The following LDAH variants were observed in gnomAD, a reference collection of about 807,000 sequenced individuals.
LDAH encodes the protein lipid droplet associated hydrolase.
A neutral mutation model predicts 29.6 loss-of-function variants in LDAH; 26 were observed. The observed-to-expected ratio is 0.88, with a 90% CI of 0.64 to 1.22. The LOEUF is 1.22. Among genes scored for constraint, LDAH ranks in the 50% most tolerant of loss-of-function variants. The probability of loss-of-function intolerance (pLI) is 0.00; values close to 1 mark genes in which losing one functional copy is unlikely to be tolerated. For synonymous variants in LDAH, 117 were observed against 133.0 expected (o/e 0.88, Z 0.83); for missense variants, 344 against 387.3 (o/e 0.89, Z 0.94).
At chr2:20,813,263 ATTC>A (rs1342643062) in intron 1 of LDAH, among the ~76,000 whole-genome samples, 63 of 152,062 alleles carry the variant, frequency 4.1e-4, no homozygotes, top group African/African-American at 1.4e-3. Context: ...AGTCTTCCAT[ATTC>A]TTCTATAATT....
intron 5 of LDAH, 49 bp from the exon 6 acceptor site, chr2:20,701,701 C>T (rs1411973353): frequency 6.7e-7 from 1 of 1,483,480 alleles, no homozygotes; most frequent in Admixed American, 1.7e-5. Flanking sequence ...ATAGAACAAA[C>T]ACAAATTTCA....
At chr2:20,734,819 T>C (rs1313068958) in intron 5 of LDAH, among the ~76,000 whole-genome samples, 1 of 152,250 alleles carries the variant, frequency 6.6e-6, no homozygotes. Flanking sequence ...TTAGGATAGA[T>C]CTAATGTTGA....
chr2:20,726,515 T>C (rs1276587791), intron 5 of LDAH, among the ~76,000 whole-genome samples: 2 of 152,180 alleles, frequency 1.3e-5, no homozygotes, highest in East Asian at 1.9e-4. Context: ...AAAGGTTAAG[T>C]AGGACCAGAT....
chr2:20,756,721 G>C (rs1297998461), intron 4 of LDAH, among the ~76,000 whole-genome samples: 1 of 151,944 alleles, frequency 6.6e-6, no homozygotes, highest in Non-Finnish European at 1.5e-5. Context: ...AATAAATCAA[G>C]AAAATCTTTT....
At chr2:20,821,880 G>C (rs1313660450) in intron 1 of LDAH, among the ~76,000 whole-genome samples, 1 of 152,178 alleles carries the variant, frequency 6.6e-6, no homozygotes, top group Non-Finnish European at 1.5e-5. Context: ...GTGTTGCCCT[G>C]ATTATCCCCC....
chr2:20,821,760 T>C (rs916856973), intron 1 of LDAH, among the ~76,000 whole-genome samples: 1 of 152,078 alleles, frequency 6.6e-6, no homozygotes, highest in East Asian at 1.9e-4. Flanking sequence ...GAACTTAAAG[T>C]ATAATTTTAA....
intron 5 of LDAH, among the ~76,000 whole-genome samples, chr2:20,738,147 G>A (rs951597996): frequency 2.6e-5 from 4 of 151,670 alleles, no homozygotes; most frequent in African/African-American, 9.7e-5. Flanking sequence ...AGCTACTCAG[G>A]AGGCTGAGGC....
At chr2:20,752,975 GACA>G (rs3047722) in intron 4 of LDAH, among the ~76,000 whole-genome samples, 135,986 of 151,520 alleles carry the variant, frequency 0.9, 61,075 homozygotes, top group East Asian at 1. Context: ...AGAAAACAAC[GACA>G]ACAACAACAA....
rs553525186 is a variant in LDAH, at chr2:20,743,325, T to A, written c.469-3120A>T. ...GTCCAAGTCCACTTTTTTTTTTTTTTTTATTATACTTTAAGTTTTAGGGTA... is the reference window on the plus strand; with the variant it reads ...GTCCAAGTCCACTTTTTTTTTTTTTATTATTATACTTTAAGTTTTAGGGTA... On this transcript the variant is annotated intron_variant, in intron 4 of 6. Transcript: ENST00000237822. Among the ~76,000 whole-genome samples, 531 of 145,462 alleles carry A rather than the reference T, an allele frequency of 3.7e-3. 7 individuals carry two copies. Among genetic ancestry groups the A allele is most frequent in the Admixed American group, 0.021 (311 of 14,942 alleles).
chr2:20,820,103 T>A (rs377209481), intron 1 of LDAH, among the ~76,000 whole-genome samples: 1 of 151,528 alleles, frequency 6.6e-6, no homozygotes, highest in African/African-American at 2.4e-5. Context: ...CACTGCTCAA[T>A]GAAATAAAAG....
In LDAH at chr2:20,814,883, T is replaced by C. The variant is rs73224618; in HGVS notation, c.-3+8154A>G. Among the ~76,000 whole-genome samples the C allele has an allele frequency of 5.9e-3, 905 of 152,262 alleles. 10 individuals carry two copies. Among genetic ancestry groups the C allele is most frequent in the African/African-American group, 0.02 (843 of 41,552 alleles). On this transcript the variant is annotated intron_variant, in intron 1 of 6. Transcript: ENST00000237822. Reference sequence around the variant, plus strand: ...TCCATTTCCTTCCCCATTTCCCTTTTATTAGGGCCTGTAACAAGGAATTAC... The same window carrying C: ...TCCATTTCCTTCCCCATTTCCCTTTCATTAGGGCCTGTAACAAGGAATTAC...
At chr2:20,812,850 C>A (rs1434043796) in intron 1 of LDAH, among the ~76,000 whole-genome samples, 1 of 152,128 alleles carries the variant, frequency 6.6e-6, no homozygotes, top group African/African-American at 2.4e-5. Context: ...TTTCTGTAAG[C>A]CAGGTACTGT....
chr2:20,717,559 C>T (rs961828840), intron 5 of LDAH, among the ~76,000 whole-genome samples: 3 of 152,180 alleles, frequency 2.0e-5, no homozygotes, highest in African/African-American at 7.2e-5. Flanking sequence ...GCCAAATGGA[C>T]TCACAGACAA....
In LDAH at chr2:20,790,335, CTGTT is replaced by C. The variant is rs1558481626; in HGVS notation, c.214_217del (p.Asn72AspfsTer40). On this transcript the variant is annotated frameshift_variant, in exon 3 of 7. Transcript: ENST00000237822. LOFTEE classifies it high-confidence loss of function. ...ACTGATAGTCCAAACTGGAAAGCGT[CTGTT>C]TGTCAAAGAGTATAAAGCCTTTGCA... is the stretch of plus-strand genomic sequence containing the variant. 1 of 1,614,140 alleles carries C rather than the reference CTGTT, an allele frequency of 6.2e-7. No individual in the cohort carries two copies.
intron 5 of LDAH, among the ~76,000 whole-genome samples, chr2:20,738,036 G>A (rs557561001): frequency 2.0e-4 from 31 of 151,802 alleles, no homozygotes; most frequent in Non-Finnish European, 4.0e-4. Flanking sequence ...GGCGGATCAC[G>A]AGGTCAGGAG....
intron 6 of LDAH, among the ~76,000 whole-genome samples, chr2:20,696,409 G>A (rs1404959951): frequency 2.6e-5 from 4 of 152,138 alleles, no homozygotes; most frequent in Non-Finnish European, 5.9e-5. Flanking sequence ...GGCCCTCTGG[G>A]GGCAGGGGCA....
At chr2:20,812,798 G>GT (rs1288724397) in intron 1 of LDAH, among the ~76,000 whole-genome samples, 1 of 152,182 alleles carries the variant, frequency 6.6e-6, no homozygotes, top group South Asian at 2.1e-4. Context: ...GTCCAAGAGC[G>GT]TAAGAACCAA....
Position 20,685,171 on chromosome 2 carries a change from C to T in LDAH, c.*1732G>A, listed in dbSNP as rs1030587817. Reference sequence around the variant, plus strand: ...ACCAGAAATAAGACACAATTTCATACGTGCAGACTTTTGAAATATGGAGTA... The same window carrying T: ...ACCAGAAATAAGACACAATTTCATATGTGCAGACTTTTGAAATATGGAGTA... On this transcript the variant is annotated 3_prime_UTR_variant, in exon 7 of 7. Coordinates refer to ENST00000237822, the MANE Select transcript of LDAH (RefSeq NM_021925.4). 1.4e-5 allele frequency: 7 copies of T among 498,248 alleles called. No individual in the cohort carries two copies. The highest frequency in any genetic ancestry group is 3.3e-5 in the East Asian group (1 of 30,418). 30.9% of individuals were successfully genotyped at this position (498,248 alleles called of 1,614,324 possible).
intron 6 of LDAH, among the ~76,000 whole-genome samples, chr2:20,695,586 A>T (rs1663391262): frequency 6.6e-6 from 1 of 151,490 alleles, no homozygotes; most frequent in Non-Finnish European, 1.5e-5. Flanking sequence ...AGTAGCTGGG[A>T]CTATAGGCAT....
Sources: gnomAD v4.1 joint callset for allele counts (sites outside exome capture counted in the v4.1 genomes callset) on GRCh38, gnomAD v4.1.1 for gene constraint, MANE v1.5 for transcripts, NCBI Gene and HGNC (gene_info 2026-07-23, HGNC 2026-07-21) for gene names.